Variants in XPO7 observed in about 807,000 individuals in gnomAD.
XPO7 encodes exportin-7.
Under a neutral mutation model 144.3 loss-of-function variants are expected in XPO7, and 21 were observed. The observed-to-expected ratio is 0.15, with a 90% confidence interval of 0.10 to 0.21. The LOEUF is 0.21. XPO7 is among the 10% of genes least tolerant of loss of function. XPO7 has a pLI of 1.00. For synonymous variants in XPO7, 580 were observed against 499.6 expected (o/e 1.16, Z -2.15); for missense variants, 808 against 1,325.8 (o/e 0.61, Z 6.06).
chr8:21,975,326 A>G (rs1812194335), intron 6 of XPO7, among the ~76,000 whole-genome samples: 1 of 152,262 alleles, frequency 6.6e-6, no homozygotes, highest in East Asian at 1.9e-4. Flanking sequence ...GGAGGAGTAG[A>G]CAGTATCACA....
chr8:21,981,631 T>C, intron 9 of XPO7, 100 bp from the exon 10 acceptor site: 4 of 1,433,226 alleles, frequency 2.8e-6, no homozygotes, highest in South Asian at 2.7e-5. Context: ...AGTTAAAAAG[T>C]AGATTCTACC....
At chr8:21,931,214 G>A (rs149751251) in intron 1 of XPO7, among the ~76,000 whole-genome samples, 4,387 of 151,412 alleles carry the variant, frequency 0.029, 203 homozygotes, top group African/African-American at 0.1. Flanking sequence ...CCAGGCTGGA[G>A]TGCAATGGCG....
chr8:21,977,717 G>A, intron 7 of XPO7, 53 bp from the exon 8 acceptor site: 4 of 1,536,942 alleles, frequency 2.6e-6, no homozygotes, highest in African/African-American at 1.4e-5. Context: ...AAGTATGCCA[G>A]CGGCAATGTT....
At chr8:21,924,259 T>C (rs1340351842) in intron 1 of XPO7, among the ~76,000 whole-genome samples, 3 of 152,194 alleles carry the variant, frequency 2.0e-5, no homozygotes, top group African/African-American at 7.2e-5. Context: ...TGACCCATCT[T>C]TGTTATTTTT....
chr8:21,969,328 T>A (rs1290827593), intron 2 of XPO7, among the ~76,000 whole-genome samples, 155 bp from the exon 3 acceptor site: 1 of 152,204 alleles, frequency 6.6e-6, no homozygotes, highest in Non-Finnish European at 1.5e-5. Context: ...GTGGTTCATT[T>A]TTCCTCAGAG....
chr8:21,967,088 G>A (rs376663994), intron 2 of XPO7, 85 bp downstream of exon 2: 54 of 1,484,016 alleles, frequency 3.6e-5, no homozygotes, highest in South Asian at 2.3e-4. Context: ...GCATGGGATG[G>A]CTTCTGTTCC....
At chr8:21,935,001 G>A (rs1810775712) in intron 1 of XPO7, among the ~76,000 whole-genome samples, 1 of 152,156 alleles carries the variant, frequency 6.6e-6, no homozygotes. Flanking sequence ...TTTCATTTGG[G>A]CTGTTTGTTG....
chr8:21,971,402 T>C (rs762009870), intron 4 of XPO7, among the ~76,000 whole-genome samples: 1 of 152,336 alleles, frequency 6.6e-6, no homozygotes, highest in East Asian at 1.9e-4. Flanking sequence ...AAAAAATTGG[T>C]ATCTTATTGT....
rs1286042324 is a variant in XPO7, at chr8:21,992,868, A to G, written c.2148+894A>G. Among the ~76,000 whole-genome samples, 5 of 152,162 alleles carry G rather than the reference A, an allele frequency of 3.3e-5. No homozygotes were observed. The East Asian group carries it at 9.6e-4, about 29-fold the overall frequency. ...AATCAGAAGACACCAGGATGTTACT[A>G]TTGGTAGGACTTTTTACAGTATTCC... On this transcript the variant is annotated intron_variant, in intron 19 of 27. Transcript: ENST00000252512.
chr8:21,982,795 T>C lies in XPO7; in HGVS notation c.1260T>C (p.Ser420=). 6.2e-7 allele frequency: 1 copy of C among 1,608,180 alleles called. No homozygotes were observed. The highest frequency in any genetic ancestry group is 1.3e-5 in the African/African-American group (1 of 74,688). ...CCTACATCACATCCCGGTTGGAATC[T>C]GTGCACATCATACTGAGGTAAGGAA... ...TKAYITSRLE[S]VHIILRDGLE... Residue 420 remains serine (S), a synonymous_variant, in exon 11 of 28, where the codon TCT becomes TCC. Transcript: ENST00000252512.
chr8:21,959,055 C>T (rs546426807), intron 1 of XPO7, among the ~76,000 whole-genome samples: 5 of 152,060 alleles, frequency 3.3e-5, no homozygotes, highest in African/African-American at 1.2e-4. Flanking sequence ...CCACTCTGTC[C>T]ACGTGCATGA....
intron 9 of XPO7, among the ~76,000 whole-genome samples, chr8:21,981,048 T>G (rs1470223501): frequency 6.6e-6 from 1 of 152,200 alleles, no homozygotes; most frequent in African/African-American, 2.4e-5. Context: ...TAAAATTCAT[T>G]TATTCATTCA....
At chr8:21,936,845 T>C (rs1198237202) in intron 1 of XPO7, among the ~76,000 whole-genome samples, 1 of 152,206 alleles carries the variant, frequency 6.6e-6, no homozygotes, top group Non-Finnish European at 1.5e-5. Context: ...TTTTTTCATT[T>C]GAAAAAGAGG....
chr8:21,992,069 AG>A lies in XPO7; in HGVS notation c.2148+96del, dbSNP rs1192279251. On this transcript the variant is annotated intron_variant, in intron 19 of 27. Transcript: ENST00000252512. ...TTGACTGTAAACTATCCACTGCCAT[AG>A]CTTTTTTTAATGTCTTGGACTTCTA... 37 of 856,794 alleles carry A rather than the reference AG, an allele frequency of 4.3e-5. No homozygotes were observed. In the East Asian group the frequency reaches 9.3e-4, roughly 22 times the overall value. 53.1% of individuals were successfully genotyped at this position (856,794 alleles called of 1,614,324 possible).
chr8:21,966,418 A>G, intron 1 of XPO7: 1 of 678,024 alleles, frequency 1.5e-6, no homozygotes, highest in Non-Finnish European at 2.7e-6. Flanking sequence ...TCAAAGGAAT[A>G]TTTAAAGCTA....
intron 20 of XPO7, 150 bp downstream of exon 20, chr8:21,994,601 G>C (rs1265481539): frequency 1.6e-6 from 1 of 636,630 alleles, no homozygotes; most frequent in East Asian, 3.0e-5. Context: ...TGTCCTGGAA[G>C]CCACCTTATG....
At chr8:21,963,627 G>C (rs530361433) in intron 1 of XPO7, among the ~76,000 whole-genome samples, 3 of 151,806 alleles carry the variant, frequency 2.0e-5, no homozygotes, top group African/African-American at 7.3e-5. Context: ...CCCAGGAGGC[G>C]GAGGTTACAG....
At chr8:21,946,831 G>A (rs986764669) in intron 1 of XPO7, among the ~76,000 whole-genome samples, 3 of 151,824 alleles carry the variant, frequency 2.0e-5, no homozygotes, top group Admixed American at 6.6e-5. Flanking sequence ...CATCTTATCA[G>A]AAAGAAAACA....
At chr8:21,994,046 G>A (rs746601136) in intron 19 of XPO7, among the ~76,000 whole-genome samples, 4 of 142,348 alleles carry the variant, frequency 2.8e-5, no homozygotes, top group Non-Finnish European at 4.5e-5. Context: ...TTACTTCAAT[G>A]TCTTAAAACC....
Sources: gnomAD v4.1 joint callset for allele counts (sites outside exome capture counted in the v4.1 genomes callset) on GRCh38, gnomAD v4.1.1 for gene constraint, MANE v1.5 for transcripts, NCBI Gene and HGNC (gene_info 2026-07-23, HGNC 2026-07-21) for gene names.